DGKB: variants seen among roughly 807,000 people sequenced by gnomAD.
DGKB encodes 90 kDa diacylglycerol kinase.
A neutral mutation model predicts 114.3 loss-of-function variants in DGKB; 67 were observed. That is an observed-to-expected ratio of 0.59 (90% CI 0.48 to 0.72). The LOEUF is 0.72. DGKB is among the 30% of genes least tolerant of loss of function. The pLI is 0.00. For synonymous variants in DGKB, 398 were observed against 323.1 expected (o/e 1.23, Z -2.49); for missense variants, 907 against 975.2 (o/e 0.93, Z 0.93).
intron 1 of DGKB, among the ~76,000 whole-genome samples, chr7:14,882,988 T>C (rs772044149): frequency 6.6e-6 from 1 of 151,968 alleles, no homozygotes; most frequent in Non-Finnish European, 1.5e-5. Context: ...ATATGAAATA[T>C]GGAATATGGC....
At chr7:14,164,205 T>A (rs2128227835) in intron 25 of DGKB, among the ~76,000 whole-genome samples, 1 of 152,296 alleles carries the variant, frequency 6.6e-6, no homozygotes. Flanking sequence ...TGGGTTAGTC[T>A]TTTTCTTTCA....
intron 13 of DGKB, among the ~76,000 whole-genome samples, chr7:14,663,691 C>T (rs1219883839): frequency 6.9e-6 from 1 of 144,970 alleles, no homozygotes; most frequent in Non-Finnish European, 1.5e-5. Flanking sequence ...CCACTCCCCT[C>T]CCTTCCCTCA....
chr7:14,170,149 GAAA>G (rs1562523078), intron 25 of DGKB, among the ~76,000 whole-genome samples: 12 of 26,562 alleles, frequency 4.5e-4, no homozygotes, highest in Admixed American at 1.0e-3. Context: ...AAAAAAAAAA[GAAA>G]GAAAGAAAGA....
rs187547435 is a variant in DGKB, at chr7:14,289,411, T to C, written c.2122+49104A>G. 3.5e-3 allele frequency among the ~76,000 whole-genome samples: 534 copies of C among 152,298 alleles called. 3 individuals are homozygous for C. The highest frequency in any genetic ancestry group is 6.4e-3 in the Non-Finnish European group (432 of 68,006). On this transcript the variant is annotated intron_variant, in intron 23 of 25. Transcript: ENST00000402815. ...TCACAAATATAATATTGGCAGTTTCTGAACAATAATAACATATTTGCTGAG... is the reference window on the plus strand; with the variant it reads ...TCACAAATATAATATTGGCAGTTTCCGAACAATAATAACATATTTGCTGAG...
chr7:14,814,635 A>G (rs1417501786), intron 2 of DGKB, among the ~76,000 whole-genome samples: 2 of 152,288 alleles, frequency 1.3e-5, no homozygotes, highest in East Asian at 3.9e-4. Flanking sequence ...TGAGCTAAGA[A>G]TTCTGGACTC....
intron 2 of DGKB, among the ~76,000 whole-genome samples, chr7:14,783,567 T>G (rs1229722762): frequency 1.3e-5 from 2 of 152,054 alleles, no homozygotes; most frequent in Non-Finnish European, 2.9e-5. Flanking sequence ...ATTAATGGAG[T>G]GGTTATGTAT....
intron 1 of DGKB, among the ~76,000 whole-genome samples, chr7:14,958,008 G>C (rs952250581): frequency 6.6e-6 from 1 of 151,936 alleles, no homozygotes; most frequent in East Asian, 1.9e-4. Flanking sequence ...TTGTGTTTAC[G>C]TAAAATCAGT....
At chr7:14,922,460 T>C (rs550105017) in intron 1 of DGKB, among the ~76,000 whole-genome samples, 12 of 151,530 alleles carry the variant, frequency 7.9e-5, no homozygotes, top group Non-Finnish European at 1.2e-4. Flanking sequence ...TAAAAATAAA[T>C]ATTGTCATAC....
chr7:14,934,636 T>C (rs1785186895), intron 1 of DGKB, among the ~76,000 whole-genome samples: 1 of 152,144 alleles, frequency 6.6e-6, no homozygotes, highest in Admixed American at 6.6e-5. Flanking sequence ...CCAATCTTTG[T>C]TTGGTTTATA....
rs78877770 is a variant in DGKB at position 14,509,067 on chromosome 7, T to A, written c.1771-30842A>T. Among the ~76,000 whole-genome samples, 121 of 152,294 alleles carry A rather than the reference T, an allele frequency of 7.9e-4. 1 individual carries two copies. Among genetic ancestry groups the A allele is most frequent in the African/African-American group, 2.7e-3 (114 of 41,568 alleles). On this transcript the variant is annotated intron_variant, in intron 20 of 25. Coordinates refer to ENST00000402815, the MANE Select transcript of DGKB (RefSeq NM_001350709.2). ...CTTAAATTCCAGCATTTAGTACACA[T>A]GACATTTGGTCTCTCTTTTGATTGG... is the stretch of plus-strand genomic sequence containing the variant.
intron 23 of DGKB, among the ~76,000 whole-genome samples, chr7:14,328,332 T>C (rs1336176843): frequency 6.6e-6 from 1 of 152,078 alleles, no homozygotes; most frequent in African/African-American, 2.4e-5. Context: ...TATTGTTATG[T>C]TTGTGTTTTA....
At chr7:14,968,258 T>A (rs946564631) in intron 1 of DGKB, among the ~76,000 whole-genome samples, 30 of 152,194 alleles carry the variant, frequency 2.0e-4, no homozygotes, top group Admixed American at 2.0e-4. Context: ...AACAATTTTT[T>A]AAATTAGTTT....
At chr7:14,713,305 T>C (rs1827665371) in intron 6 of DGKB, among the ~76,000 whole-genome samples, 2 of 152,148 alleles carry the variant, frequency 1.3e-5, no homozygotes, top group Admixed American at 1.3e-4. Flanking sequence ...ATATGATATA[T>C]GTTATTAATA....
At position 14,682,589 on chromosome 7, in the gene DGKB, G is replaced by T. The variant is rs1291804673; in HGVS notation, c.999C>A (p.Gly333=). Residue 333 remains glycine, a synonymous_variant, in exon 12 of 26, where the codon GGC becomes GGA. Coordinates refer to ENST00000402815, the MANE Select transcript of DGKB (RefSeq NM_001350709.2). ...ACCAAACACAATGCAGTCCTGTCAG[G>T]CCCTGGTAACATTTAACAGTTTTGT... ...KCHKTVKCYQ[G]LTGLHCVWCQ... is the part of the protein sequence containing the mutation. 6.2e-7 allele frequency: 1 copy of T among 1,613,388 alleles called. No individual in the cohort carries two copies. Among genetic ancestry groups the T allele is most frequent in the Non-Finnish European group, 8.5e-7 (1 of 1,179,464 alleles).
chr7:14,702,878 A>C (rs1825453259), intron 6 of DGKB, among the ~76,000 whole-genome samples: 1 of 152,214 alleles, frequency 6.6e-6, no homozygotes, highest in South Asian at 2.1e-4. Flanking sequence ...AAAAGAAAAA[A>C]AGTTAGCCAT....
At chr7:14,594,288 G>C (rs1802179452) in intron 17 of DGKB, among the ~76,000 whole-genome samples, 1 of 152,004 alleles carries the variant, frequency 6.6e-6, no homozygotes, top group Non-Finnish European at 1.5e-5. Context: ...CATGCTACAT[G>C]AAAGTCCATC....
At chr7:14,895,204 A>C (rs1023705060) in intron 1 of DGKB, among the ~76,000 whole-genome samples, 1 of 151,654 alleles carries the variant, frequency 6.6e-6, no homozygotes, top group Non-Finnish European at 1.5e-5. Flanking sequence ...CAGGAAAAGC[A>C]ATGTGGGAGT....
intron 21 of DGKB, among the ~76,000 whole-genome samples, chr7:14,470,251 A>G (rs1781082852): frequency 6.6e-6 from 1 of 151,910 alleles, no homozygotes. Flanking sequence ...GATTTTATTC[A>G]AAACACTAAA....
At chr7:14,796,505 G>A (rs1304048756) in intron 2 of DGKB, among the ~76,000 whole-genome samples, 2 of 152,062 alleles carry the variant, frequency 1.3e-5, no homozygotes, top group African/African-American at 2.4e-5. Context: ...TTGAAAAATT[G>A]TAATCAGAGA....
Sources: gnomAD v4.1 joint callset for allele counts (sites outside exome capture counted in the v4.1 genomes callset) on GRCh38, gnomAD v4.1.1 for gene constraint, MANE v1.5 for transcripts, NCBI Gene and HGNC (gene_info 2026-07-23, HGNC 2026-07-21) for gene names.